Variants in RP1 observed in about 807,000 individuals in gnomAD.
The protein encoded by RP1 is RP1 axonemal microtubule associated.
RP1 carries 16 observed loss-of-function variants against 14.8 expected under a neutral mutation model. The ratio of observed to expected loss-of-function variants is 1.08; its 90% CI spans 0.73 to 1.65. RP1 has a LOEUF of 1.65. Ranked by LOEUF, RP1 falls within the 40% of genes most tolerant of loss-of-function variation. The pLI, the probability that RP1 is intolerant of heterozygous loss-of-function variation, is 0.00. For missense variants in RP1, 2,631 were observed against 2,535.0 expected (o/e 1.04, Z -0.81); for synonymous variants, 876 against 883.6 (o/e 0.99, Z 0.15).
chr8:54,626,055 A>G lies in RP1; in HGVS notation c.2173A>G (p.Ile725Val), dbSNP rs1806035809. The G allele has an allele frequency of 1.9e-6, 3 of 1,613,628 alleles. No individual in the cohort carries two copies. The highest frequency in any genetic ancestry group is 2.7e-5 in the African/African-American group (2 of 74,892). Residue 725 changes from isoleucine (I) to valine (V), a missense_variant, in exon 4 of 4, where the codon ATA (isoleucine) becomes GTA (valine). Physicochemically the swap from Ile to Val is conservative, Grantham distance 29. Coordinates refer to ENST00000220676, the MANE Select transcript of RP1 (RefSeq NM_006269.2). ...TTCAGATAGTCCCCTTAAAGGAGGG[A>G]TACTTTGTGAGGAAGACCTCCAGAA... ...QDSDSPLKGG[I>V]LCEEDLQKSD...
intron 19 of RP1, among the ~76,000 whole-genome samples, chr8:54,746,657 G>T (rs1332721918): frequency 6.6e-6 from 1 of 152,050 alleles, no homozygotes; most frequent in African/African-American, 2.4e-5. Flanking sequence ...TAAATCTTAG[G>T]TTTTCTTTTT....
intron 5 of RP1, among the ~76,000 whole-genome samples, chr8:54,655,687 A>T (rs1806740346): frequency 6.6e-6 from 1 of 152,342 alleles, no homozygotes; most frequent in East Asian, 1.9e-4. Context: ...AGAAATTGCC[A>T]TGTTTGACAT....
intron 15 of RP1, among the ~76,000 whole-genome samples, chr8:54,710,346 C>T (rs1298932209): frequency 6.6e-6 from 1 of 152,218 alleles, no homozygotes; most frequent in Non-Finnish European, 1.5e-5. Flanking sequence ...AAACTCTGTG[C>T]AGGCCCCATG....
intron 27 of RP1, among the ~76,000 whole-genome samples, chr8:54,859,289 G>A (rs1812283894): frequency 6.6e-6 from 1 of 151,548 alleles, no homozygotes; most frequent in African/African-American, 2.4e-5. Context: ...TGGTGCCACT[G>A]TGGAGTGTTG....
intron 19 of RP1, among the ~76,000 whole-genome samples, chr8:54,740,756 C>G (rs1809061150): frequency 6.6e-6 from 1 of 151,454 alleles, no homozygotes; most frequent in Admixed American, 6.6e-5. Context: ...AGAAAAAAAG[C>G]TTATGGGCCG....
intron 19 of RP1, among the ~76,000 whole-genome samples, chr8:54,748,266 T>C (rs1315697434): frequency 6.6e-6 from 1 of 152,198 alleles, no homozygotes; most frequent in Non-Finnish European, 1.5e-5. Context: ...AAGAACCACA[T>C]AAAGGAAATA....
chr8:54,625,431 C>T lies in RP1; in HGVS notation c.1549C>T (p.Leu517Phe). The T allele has an allele frequency of 2.5e-6, 4 of 1,613,938 alleles. No individual in the cohort carries two copies. Among genetic ancestry groups the T allele is most frequent in the Non-Finnish European group, 2.5e-6 (3 of 1,180,020 alleles). Residue 517 changes from leucine to phenylalanine, a missense_variant, in exon 4 of 4, where the codon CTT becomes TTT. By Grantham distance (22) the Leu-to-Phe change is conservative. Transcript: ENST00000220676. ...GTCATCAGTATCTAACAAACCAGTA[C>T]TTGTTCAGATCAATAACAATGATCA... is the stretch of plus-strand genomic sequence containing the variant. ...KMSSVSNKPV[L>F]VQINNNDQME...
chr8:54,628,236 A>G lies in RP1; in HGVS notation c.4354A>G (p.Thr1452Ala). ...PRTSEEPGSI[T>A]NSMTSSERNI... is the part of the protein sequence containing the mutation. ...GACTTCTGAAGAACCAGGCTCAATA[A>G]CCAACAGCATGACATCAAGTGAAAG... The change falls in exon 4 of 4, where the codon ACC becomes GCC. Residue 1452 changes from threonine (T) to alanine (A), a missense_variant. By Grantham distance (58) the Thr-to-Ala change is moderately conservative. Coordinates refer to ENST00000220676, the MANE Select transcript of RP1 (RefSeq NM_006269.2). The G allele has an allele frequency of 1.9e-6, 3 of 1,614,016 alleles. No homozygotes were observed. The highest frequency in any genetic ancestry group is 2.5e-6 in the Non-Finnish European group (3 of 1,179,944).
Position 54,628,100 on chromosome 8 carries a change from A to C in RP1, c.4218A>C (p.Lys1406Asn). 1 of 1,614,058 alleles carries C rather than the reference A, an allele frequency of 6.2e-7. No homozygotes were observed. The highest frequency in any genetic ancestry group is 1.3e-5 in the African/African-American group (1 of 75,064). ...LSSCGLCLSE[K>N]EAELDKKHSS... ...CCTGTGGCCTTTGCCTAAGTGAAAA[A>C]GAAGCAGAACTTGATAAGAAACATA... The change falls in exon 4 of 4, where the codon AAA (lysine) becomes AAC (asparagine). Residue 1406 changes from lysine to asparagine, a missense_variant. Lys to Asn is a moderately conservative substitution (Grantham distance 94, BLOSUM62 0). Transcript: ENST00000220676.
chr8:54,708,411 C>G (rs1271935200), intron 15 of RP1, among the ~76,000 whole-genome samples: 1 of 150,420 alleles, frequency 6.6e-6, no homozygotes, highest in Admixed American at 6.6e-5. Context: ...GGCTAGAGTG[C>G]AGTGGCGCAA....
At chr8:54,832,637 C>T (rs1811559259) in intron 24 of RP1, among the ~76,000 whole-genome samples, 1 of 151,664 alleles carries the variant, frequency 6.6e-6, no homozygotes, top group Non-Finnish European at 1.5e-5. Context: ...TTTTTATTGA[C>T]ATTATGCAGT....
At chr8:54,640,992 C>T (rs1806443605) in intron 3 of RP1, among the ~76,000 whole-genome samples, 1 of 142,792 alleles carries the variant, frequency 7.0e-6, no homozygotes, top group Non-Finnish European at 1.5e-5. Flanking sequence ...CAGAGTCTTG[C>T]CGTGTTGCCC....
At chr8:54,636,290 T>C (rs751483220) in intron 3 of RP1, among the ~76,000 whole-genome samples, 1 of 152,162 alleles carries the variant, frequency 6.6e-6, no homozygotes, top group Non-Finnish European at 1.5e-5. Context: ...ACTTAGGCAA[T>C]AGGCATCCTT....
rs1341236261 is a variant in RP1 at position 54,560,850 on chromosome 8, TA to T, written c.-13+1531del. ...AGACCCACATGGCCTGCAGCACATT[TA>T]GGGCCATCTCTATGTCAATAGCATC... On this transcript the variant is annotated intron_variant, in intron 1 of 22. Transcript: ENST00000636932. 4.0e-5 allele frequency: 6 copies of T among 151,844 alleles called. No homozygotes were observed. The East Asian group carries it at 1.2e-3, about 30-fold the overall frequency. The allele number at this position is 151,844 out of a possible 1,614,324, so 9.4% of individuals were successfully genotyped here. A position where few individuals can be genotyped will look rare whatever the true frequency, so the allele number is the denominator to read the frequency against.
intron 26 of RP1, chr8:54,852,845 C>A (rs1422166238): frequency 4.3e-6 from 3 of 704,808 alleles, no homozygotes; most frequent in Non-Finnish European, 5.9e-6. Flanking sequence ...GTGAGGAATT[C>A]AGGGAGGTGT....
intron 24 of RP1, among the ~76,000 whole-genome samples, chr8:54,789,632 C>T (rs1463558950): frequency 6.6e-6 from 1 of 152,148 alleles, no homozygotes; most frequent in African/African-American, 2.4e-5. Context: ...CCCCACCTGA[C>T]AATAAAACCC....
chr8:54,820,398 T>G (rs1811226997), intron 24 of RP1, among the ~76,000 whole-genome samples: 1 of 152,244 alleles, frequency 6.6e-6, no homozygotes, highest in South Asian at 2.1e-4. Flanking sequence ...CCTTTCAAAT[T>G]TATACAGGAC....
chr8:54,649,517 A>G (rs1806614781), intron 4 of RP1, among the ~76,000 whole-genome samples: 1 of 152,218 alleles, frequency 6.6e-6, no homozygotes, highest in Non-Finnish European at 1.5e-5. Flanking sequence ...ACTGGTTTTT[A>G]TTAGGTATTA....
At chr8:54,730,642 A>G (rs1294606750) in intron 17 of RP1, among the ~76,000 whole-genome samples, 1 of 152,076 alleles carries the variant, frequency 6.6e-6, no homozygotes, top group African/African-American at 2.4e-5. Flanking sequence ...TGATCTTTCA[A>G]CCAAGACACA....
Sources: allele counts gnomAD v4.1 joint callset (sites outside exome capture counted in the v4.1 genomes callset), GRCh38; gene constraint gnomAD v4.1.1; transcripts MANE v1.5; gene names NCBI Gene and HGNC (gene_info 2026-07-23, HGNC 2026-07-21).